Variants in ZMAT4 observed in about 807,000 individuals in gnomAD.
The protein encoded by ZMAT4 is zinc finger matrin-type protein 4.
In ZMAT4, 17 loss-of-function variants were observed where a neutral mutation model predicts 28.7. The ratio of observed to expected loss-of-function variants is 0.59; its 90% CI spans 0.41 to 0.89. The LOEUF (loss-of-function observed/expected upper bound fraction) is 0.89. Ranked by LOEUF, ZMAT4 falls within the 40% of genes least tolerant of loss-of-function variation. The probability of loss-of-function intolerance (pLI) is 0.00; values close to 1 mark genes in which losing one functional copy is unlikely to be tolerated. For missense variants in ZMAT4, 240 were observed against 283.8 expected (o/e 0.85, Z 1.11); for synonymous variants, 117 against 109.2 (o/e 1.07, Z -0.44).
In ZMAT4 at chr8:40,542,895, G is replaced by T. The variant is rs566460962; in HGVS notation, c.675-10657C>A. On this transcript the variant is annotated intron_variant, in intron 6 of 6. Transcript: ENST00000297737. ...TTCTTCATCTATTCAATGAAGAATTGGACCAGGCCATTCCCTAAGTTCCTT... is the reference window on the plus strand; with the variant it reads ...TTCTTCATCTATTCAATGAAGAATTTGACCAGGCCATTCCCTAAGTTCCTT... Among the ~76,000 whole-genome samples the T allele has an allele frequency of 2.6e-5, 4 of 152,230 alleles. No homozygotes were observed. The South Asian group carries it at 8.3e-4, about 32-fold the overall frequency.
chr8:40,773,103 G>A (rs2150565895), intron 2 of ZMAT4, among the ~76,000 whole-genome samples: 1 of 152,272 alleles, frequency 6.6e-6, no homozygotes, highest in East Asian at 1.9e-4. Context: ...CAAGTGCTGG[G>A]GATTCCCTCT....
At chr8:40,873,702 G>A (rs577838491) in intron 1 of ZMAT4, among the ~76,000 whole-genome samples, 5 of 152,170 alleles carry the variant, frequency 3.3e-5, no homozygotes, top group Non-Finnish European at 7.4e-5. Flanking sequence ...ACAGGATCTG[G>A]TCAAACAAGG....
At chr8:40,861,876 T>G (rs1817506264) in intron 1 of ZMAT4, among the ~76,000 whole-genome samples, 1 of 152,044 alleles carries the variant, frequency 6.6e-6, no homozygotes, top group Non-Finnish European at 1.5e-5. Context: ...TGAGATACCA[T>G]CTCACACCAG....
In ZMAT4 at chr8:40,735,738, G is replaced by A. The variant is rs193162682; in HGVS notation, c.192+31903C>T. ...TTCAATAGTCTCTGTAAAGCAGTGA[G>A]TTCAGTGTCTCACTATTAAGACACT... On this transcript the variant is annotated intron_variant, in intron 3 of 6. Coordinates refer to ENST00000297737, the MANE Select transcript of ZMAT4 (RefSeq NM_024645.3). Among the ~76,000 whole-genome samples the A allele has an allele frequency of 4.9e-3, 739 of 152,326 alleles. 20 individuals are homozygous for A. Among genetic ancestry groups the A allele is most frequent in the Admixed American group, 0.044 (678 of 15,298 alleles).
intron 1 of ZMAT4, among the ~76,000 whole-genome samples, chr8:40,886,878 G>T (rs1396615985): frequency 6.6e-6 from 1 of 152,010 alleles, no homozygotes; most frequent in East Asian, 1.9e-4. Context: ...GATTTAAAAA[G>T]CCCAGTTTTG....
chr8:40,754,974 C>T (rs1346126119), intron 3 of ZMAT4, among the ~76,000 whole-genome samples: 1 of 151,966 alleles, frequency 6.6e-6, no homozygotes, highest in East Asian at 1.9e-4. Context: ...CTATTGCATT[C>T]CATCCAGCCT....
chr8:40,839,212 G>A (rs1337732123), intron 1 of ZMAT4, among the ~76,000 whole-genome samples: 1 of 152,182 alleles, frequency 6.6e-6, no homozygotes, highest in Non-Finnish European at 1.5e-5. Context: ...AAGCAATGGT[G>A]CAGAGATGCC....
chr8:40,826,330 A>T (rs1816039925), intron 1 of ZMAT4, among the ~76,000 whole-genome samples: 1 of 152,212 alleles, frequency 6.6e-6, no homozygotes, highest in Non-Finnish European at 1.5e-5. Flanking sequence ...GAGATTTTTA[A>T]GTACATATAG....
intron 6 of ZMAT4, among the ~76,000 whole-genome samples, chr8:40,580,705 A>T (rs1804436316): frequency 6.6e-6 from 1 of 152,168 alleles, no homozygotes; most frequent in Non-Finnish European, 1.5e-5. Context: ...ATGTCATTGT[A>T]TATAAATGTC....
At chr8:40,777,147 T>C (rs1813632289) in intron 2 of ZMAT4, among the ~76,000 whole-genome samples, 1 of 151,904 alleles carries the variant, frequency 6.6e-6, no homozygotes, top group African/African-American at 2.4e-5. Context: ...ATGAAAACAA[T>C]GGGAAGGATA....
At chr8:40,668,499 GA>G (rs375636676) in intron 5 of ZMAT4, among the ~76,000 whole-genome samples, 7 of 139,670 alleles carry the variant, frequency 5.0e-5, no homozygotes, top group African/African-American at 7.9e-5. Context: ...AAAGAAAAAA[GA>G]AAAAAAAAGA....
chr8:40,817,182 G>A (rs991701109), intron 2 of ZMAT4, among the ~76,000 whole-genome samples: 1 of 151,994 alleles, frequency 6.6e-6, no homozygotes, highest in Non-Finnish European at 1.5e-5. Context: ...ACTGATACAT[G>A]GAACTTTCTA....
At chr8:40,538,017 C>T (rs1040776842) in intron 6 of ZMAT4, among the ~76,000 whole-genome samples, 2 of 152,208 alleles carry the variant, frequency 1.3e-5, no homozygotes, top group Admixed American at 1.3e-4. Flanking sequence ...TTAGAATGGA[C>T]TTCCTGCTCA....
At position 40,532,098 on chromosome 8, in the gene ZMAT4, A is replaced by G. The variant is rs573564905; in HGVS notation, c.*125T>C. On this transcript the variant is annotated 3_prime_UTR_variant, in exon 7 of 7. Coordinates refer to ENST00000297737, the MANE Select transcript of ZMAT4 (RefSeq NM_024645.3). ...AAAAATCAAGATCAGTCGTATGTGA[A>G]TCTGTGAATCCTTATAAGAAATGTT... The G allele has an allele frequency of 9.9e-4, 846 of 855,768 alleles. No homozygotes were observed. Among genetic ancestry groups the G allele is most frequent in the Non-Finnish European group, 1.3e-3 (769 of 605,168 alleles). 53.0% of individuals were successfully genotyped at this position (855,768 alleles called of 1,614,324 possible). A position where few individuals can be genotyped will look rare whatever the true frequency, so the allele number is the denominator to read the frequency against.
In ZMAT4 at chr8:40,760,690, C is replaced by T. The variant is rs575582796; in HGVS notation, c.192+6951G>A. On this transcript the variant is annotated intron_variant, in intron 3 of 6. Transcript: ENST00000297737. ...ATTCTGACCGCAAAGATCTCTCTCT[C>T]TCTCTCTCTGTCACAGTCTCTCTCT... Among the ~76,000 whole-genome samples, 17 of 146,982 alleles carry T rather than the reference C, an allele frequency of 1.2e-4. No individual in the cohort carries two copies. The South Asian group carries it at 1.8e-3, about 16-fold the overall frequency.
intron 2 of ZMAT4, among the ~76,000 whole-genome samples, chr8:40,799,752 T>C (rs1178975933): frequency 6.6e-6 from 1 of 152,082 alleles, no homozygotes; most frequent in Non-Finnish European, 1.5e-5. Context: ...TGTATAAGTA[T>C]GTATAAGTGA....
chr8:40,601,708 AGAAAGAAAGAAAGAAAGAAAGAG>A (rs1462359694), intron 5 of ZMAT4, among the ~76,000 whole-genome samples: 3 of 40,432 alleles, frequency 7.4e-5, no homozygotes, highest in African/African-American at 1.8e-4. Context: ...AAGAAAGAAA[AGAAAGAAAGAAAGAAAGAAAGAG>A]AAAGCAGGCA....
intron 2 of ZMAT4, among the ~76,000 whole-genome samples, chr8:40,781,667 CAGG>C (rs1813832053): frequency 7.3e-6 from 1 of 136,204 alleles, no homozygotes. Flanking sequence ...GAGGCTGAGG[CAGG>C]AGAATGGCGT....
intron 1 of ZMAT4, among the ~76,000 whole-genome samples, chr8:40,887,077 G>A (rs1216899225): frequency 6.6e-6 from 1 of 151,200 alleles, no homozygotes; most frequent in Admixed American, 6.6e-5. Context: ...AGGCTGAGGT[G>A]GGAGAATGGC....
Sources: gnomAD v4.1 joint callset for allele counts (sites outside exome capture counted in the v4.1 genomes callset) on GRCh38, gnomAD v4.1.1 for gene constraint, MANE v1.5 for transcripts, NCBI Gene and HGNC (gene_info 2026-07-23, HGNC 2026-07-21) for gene names.